Variants in SNTG1 observed in about 807,000 individuals in gnomAD.
SNTG1 encodes the protein gamma-1-syntrophin.
In SNTG1, 39 loss-of-function variants were observed where a neutral mutation model predicts 74.7. The ratio of observed to expected loss-of-function variants is 0.52; its 90% CI spans 0.40 to 0.68. SNTG1 has a LOEUF of 0.68. Among genes scored for constraint, SNTG1 ranks in the 30% least tolerant of loss-of-function variants. The pLI is 0.00. For synonymous variants in SNTG1, 254 were observed against 217.1 expected (o/e 1.17, Z -1.49); for missense variants, 685 against 609.5 (o/e 1.12, Z -1.30).
chr8:50,186,185 C>A (rs2083376776), intron 2 of SNTG1, among the ~76,000 whole-genome samples: 1 of 152,056 alleles, frequency 6.6e-6, no homozygotes, highest in African/African-American at 2.4e-5. Flanking sequence ...TGATCTCATT[C>A]TTTTTTATGG....
chr8:50,734,497 T>C (rs1338027220), intron 17 of SNTG1, among the ~76,000 whole-genome samples: 1 of 151,300 alleles, frequency 6.6e-6, no homozygotes, highest in African/African-American at 2.4e-5. Flanking sequence ...TTGACATATC[T>C]ATGATTTTAA....
intron 2 of SNTG1, among the ~76,000 whole-genome samples, chr8:50,227,958 C>A (rs1193718599): frequency 5.1e-5 from 7 of 138,426 alleles, no homozygotes; most frequent in Non-Finnish European, 9.5e-5. Flanking sequence ...CCATTATAAG[C>A]AAAACACAGT....
chr8:50,377,296 A>G (rs1443405182), intron 2 of SNTG1, among the ~76,000 whole-genome samples: 1 of 152,168 alleles, frequency 6.6e-6, no homozygotes, highest in Non-Finnish European at 1.5e-5. Flanking sequence ...ATACCCATTT[A>G]TATATCCTTT....
chr8:50,358,421 T>C (rs1241404902), intron 2 of SNTG1, among the ~76,000 whole-genome samples: 2 of 152,198 alleles, frequency 1.3e-5, no homozygotes, highest in Admixed American at 6.5e-5. Flanking sequence ...GGACAGCATA[T>C]GGGAACCAGT....
rs75327886 is a variant in SNTG1, at chr8:50,776,774, T to C, written c.1396-15897T>C. 6.8e-3 allele frequency among the ~76,000 whole-genome samples: 1,035 copies of C among 152,030 alleles called. 11 individuals carry two copies. Among genetic ancestry groups the C allele is most frequent in the African/African-American group, 0.024 (999 of 41,542 alleles). ...AGCCATGCTTTTAGGATAGGTCTTC[T>C]TATTATAACTTTACTTTGTTTTTCT... On this transcript the variant is annotated intron_variant, in intron 18 of 18. Coordinates refer to ENST00000642720, the MANE Select transcript of SNTG1 (RefSeq NM_018967.5).
At chr8:50,437,009 T>C (rs1426075722) in intron 4 of SNTG1, among the ~76,000 whole-genome samples, 3 of 152,266 alleles carry the variant, frequency 2.0e-5, no homozygotes, top group Non-Finnish European at 4.4e-5. Context: ...TTAATACAAA[T>C]AGTTCATCTT....
At chr8:50,107,115 C>G (rs893284375) in intron 1 of SNTG1, among the ~76,000 whole-genome samples, 3 of 152,166 alleles carry the variant, frequency 2.0e-5, no homozygotes, top group African/African-American at 7.2e-5. Context: ...ATTTTATTCT[C>G]AAGGAAGGGA....
At chr8:49,929,868 C>G (rs1412157540) in intron 1 of SNTG1, among the ~76,000 whole-genome samples, 1 of 92,110 alleles carries the variant, frequency 1.1e-5, no homozygotes, top group Non-Finnish European at 2.0e-5. Flanking sequence ...CCTCCCCCCT[C>G]CCCCCACCCC....
chr8:50,030,398 T>C (rs1817643028), intron 1 of SNTG1, among the ~76,000 whole-genome samples: 1 of 152,080 alleles, frequency 6.6e-6, no homozygotes, highest in Non-Finnish European at 1.5e-5. Flanking sequence ...TTTGAGGTAT[T>C]ACTCTCTAAG....
chr8:50,206,165 G>A (rs538128113), intron 2 of SNTG1, among the ~76,000 whole-genome samples: 19 of 152,242 alleles, frequency 1.2e-4, no homozygotes, highest in Non-Finnish European at 4.4e-5. Flanking sequence ...GGGCAGTATG[G>A]CCATTTTCAT....
intron 2 of SNTG1, among the ~76,000 whole-genome samples, chr8:50,176,098 A>T (rs1375912473): frequency 6.6e-6 from 1 of 152,058 alleles, no homozygotes; most frequent in Non-Finnish European, 1.5e-5. Context: ...TTATAATAAA[A>T]CACTTAACAT....
chr8:50,354,536 A>C (rs2091764145), intron 2 of SNTG1, among the ~76,000 whole-genome samples: 1 of 152,226 alleles, frequency 6.6e-6, no homozygotes, highest in Non-Finnish European at 1.5e-5. Context: ...ATGTTGCCCT[A>C]AAAGCAGGAA....
intron 13 of SNTG1, among the ~76,000 whole-genome samples, chr8:50,629,392 G>T (rs982115641): frequency 2.6e-5 from 4 of 151,994 alleles, no homozygotes; most frequent in Non-Finnish European, 5.9e-5. Flanking sequence ...TCCTTCAAAT[G>T]AGATGATTTT....
At chr8:50,168,250 A>C (rs1303814340) in intron 1 of SNTG1, among the ~76,000 whole-genome samples, 1 of 152,212 alleles carries the variant, frequency 6.6e-6, no homozygotes, top group African/African-American at 2.4e-5. Context: ...TTATTGCTAC[A>C]TACTTCATAC....
At chr8:50,697,977 C>A (rs2095410849) in intron 15 of SNTG1, among the ~76,000 whole-genome samples, 1 of 152,042 alleles carries the variant, frequency 6.6e-6, no homozygotes, top group Non-Finnish European at 1.5e-5. Context: ...AATTCCTTTT[C>A]AGTTTTTTGA....
chr8:50,683,668 C>A (rs1419454429), intron 15 of SNTG1, among the ~76,000 whole-genome samples: 2 of 152,112 alleles, frequency 1.3e-5, no homozygotes, highest in Admixed American at 6.6e-5. Context: ...CCCTTTATAT[C>A]CCATGGTGGC....
intron 1 of SNTG1, among the ~76,000 whole-genome samples, chr8:50,008,876 C>A (rs1325946390): frequency 6.6e-6 from 1 of 152,082 alleles, no homozygotes; most frequent in Non-Finnish European, 1.5e-5. Flanking sequence ...TTCATAGTTG[C>A]AAAATCAAAT....
chr8:50,497,983 G>C (rs1342422998), intron 8 of SNTG1, among the ~76,000 whole-genome samples: 1 of 151,618 alleles, frequency 6.6e-6, no homozygotes, highest in Non-Finnish European at 1.5e-5. Context: ...CCATTATAAG[G>C]ATATATCTCA....
intron 2 of SNTG1, among the ~76,000 whole-genome samples, chr8:50,340,951 A>C (rs2091298044): frequency 6.6e-6 from 1 of 151,966 alleles, no homozygotes; most frequent in South Asian, 2.1e-4. Flanking sequence ...TTCACACACA[A>C]AAAAATTTTA....
Sources: allele counts gnomAD v4.1 joint callset (sites outside exome capture counted in the v4.1 genomes callset), GRCh38; gene constraint gnomAD v4.1.1; transcripts MANE v1.5; gene names NCBI Gene and HGNC (gene_info 2026-07-23, HGNC 2026-07-21).